The following GRM3 variants were observed in gnomAD, a reference collection of about 807,000 sequenced individuals.
GRM3 encodes metabotropic glutamate receptor 3.
GRM3 carries 26 observed loss-of-function variants against 70.5 expected under a neutral mutation model. That is an observed-to-expected ratio of 0.37 (90% confidence interval 0.27 to 0.51). The LOEUF (loss-of-function observed/expected upper bound fraction) is 0.51. Among genes scored for constraint, GRM3 ranks in the 20% least tolerant of loss-of-function variants. The pLI, the probability that GRM3 is intolerant of heterozygous loss-of-function variation, is 0.93. For missense variants in GRM3, 859 were observed against 1,123.8 expected (o/e 0.76, Z 3.37); for synonymous variants, 443 against 434.9 (o/e 1.02, Z -0.23).
At chr7:86,674,948 T>C (rs557451581) in intron 1 of GRM3, among the ~76,000 whole-genome samples, 55 of 152,256 alleles carry the variant, frequency 3.6e-4, no homozygotes, top group Middle Eastern at 3.4e-3. Context: ...GAAATATGAC[T>C]CCTAGCCCTA....
intron 1 of GRM3, among the ~76,000 whole-genome samples, chr7:86,655,277 T>G (rs1793707223): frequency 6.6e-6 from 1 of 152,234 alleles, no homozygotes; most frequent in South Asian, 2.1e-4. Flanking sequence ...CTGCTTAATC[T>G]AAGTTCATAC....
chr7:86,856,106 A>G (rs1798840354), intron 5 of GRM3, among the ~76,000 whole-genome samples: 1 of 152,174 alleles, frequency 6.6e-6, no homozygotes, highest in Admixed American at 6.5e-5. Context: ...TACCCAAAGC[A>G]TCTAAACCAG....
At chr7:86,847,601 A>T (rs1798679230) in intron 4 of GRM3, among the ~76,000 whole-genome samples, 1 of 152,140 alleles carries the variant, frequency 6.6e-6, no homozygotes. Flanking sequence ...AGCTCTGGGG[A>T]ACTCCAGCAC....
At chr7:86,819,257 A>G (rs1798073125) in intron 3 of GRM3, among the ~76,000 whole-genome samples, 1 of 152,138 alleles carries the variant, frequency 6.6e-6, no homozygotes, top group South Asian at 2.1e-4. Flanking sequence ...TATGGAAAGC[A>G]ATAGTTTTTC....
intron 1 of GRM3, among the ~76,000 whole-genome samples, chr7:86,672,024 G>T (rs1794184900): frequency 6.6e-6 from 1 of 152,032 alleles, no homozygotes; most frequent in Non-Finnish European, 1.5e-5. Flanking sequence ...TTCTCTGGGG[G>T]TTTTATTTTT....
intron 1 of GRM3, among the ~76,000 whole-genome samples, chr7:86,749,523 C>T (rs752444010): frequency 5.7e-4 from 86 of 152,012 alleles, no homozygotes; most frequent in Non-Finnish European, 1.1e-3. Flanking sequence ...GAATCAGCAC[C>T]AAACACGGCC....
chr7:86,846,935 T>C (rs554408412), intron 4 of GRM3, among the ~76,000 whole-genome samples: 1 of 152,240 alleles, frequency 6.6e-6, no homozygotes, highest in East Asian at 1.9e-4. Flanking sequence ...CTACCACAGT[T>C]TTACTAATGC....
chr7:86,679,017 T>C (rs1794376588), intron 1 of GRM3, among the ~76,000 whole-genome samples: 1 of 152,068 alleles, frequency 6.6e-6, no homozygotes, highest in African/African-American at 2.4e-5. Flanking sequence ...ATAGACTGTG[T>C]AGATTGATGA....
intron 1 of GRM3, among the ~76,000 whole-genome samples, chr7:86,696,843 C>G (rs1485036855): frequency 1.3e-5 from 2 of 152,142 alleles, no homozygotes; most frequent in Non-Finnish European, 2.9e-5. Flanking sequence ...ACCCATTGTA[C>G]AGATGAGACA....
chr7:86,715,181 A>G (rs1210830226), intron 1 of GRM3, among the ~76,000 whole-genome samples: 1 of 152,000 alleles, frequency 6.6e-6, no homozygotes, highest in Non-Finnish European at 1.5e-5. Context: ...GGGTCACAAT[A>G]AAGGTCAAAT....
chr7:86,655,839 TGTGTGTGTGTGTGG>T (rs1411543268), intron 1 of GRM3, among the ~76,000 whole-genome samples: 4 of 134,766 alleles, frequency 3.0e-5, no homozygotes, highest in Admixed American at 1.4e-4. Flanking sequence ...TGTGTGTGTG[TGTGTGTGTGTGTGG>T]GTGGGTGGGT....
At chr7:86,817,564 A>G (rs1276712358) in intron 3 of GRM3, among the ~76,000 whole-genome samples, 3 of 151,912 alleles carry the variant, frequency 2.0e-5, no homozygotes, top group Non-Finnish European at 2.9e-5. Flanking sequence ...ATCATTTTTC[A>G]TGTTAACTAT....
chr7:86,660,272 T>G (rs1271896723), intron 1 of GRM3, among the ~76,000 whole-genome samples: 1 of 152,048 alleles, frequency 6.6e-6, no homozygotes, highest in Non-Finnish European at 1.5e-5. Flanking sequence ...CAGAAATGAT[T>G]GCGAATTAAT....
intron 1 of GRM3, among the ~76,000 whole-genome samples, chr7:86,718,585 C>T (rs951129765): frequency 6.6e-6 from 1 of 151,938 alleles, no homozygotes; most frequent in South Asian, 2.1e-4. Context: ...GACACTGATG[C>T]TGAGCACAGT....
Position 86,845,771 on chromosome 7 carries a change from A to G in GRM3, c.2392-4599A>G, listed in dbSNP as rs529654513. ...AGTTTTAAGCACTCAGCAGCTACCT[A>G]TGGCTCAACCATATGAGGTCCAATA... On this transcript the variant is annotated intron_variant, in intron 4 of 5. Transcript: ENST00000361669. Among the ~76,000 whole-genome samples, 13 of 152,314 alleles carry G rather than the reference A, an allele frequency of 8.5e-5. No individual in the cohort carries two copies. The South Asian group carries it at 2.7e-3, about 32-fold the overall frequency.
In GRM3 at chr7:86,861,886, A is replaced by G. The variant is rs1410988754; in HGVS notation, c.2567-2396A>G. ...ATTGCAACAAAAAAGCAAGAGTGGA[A>G]ACAGACAGGCCAGTGGTGCAGCTCT... is the stretch of plus-strand genomic sequence containing the variant. On this transcript the variant is annotated intron_variant, in intron 5 of 5. Coordinates refer to ENST00000361669, the MANE Select transcript of GRM3 (RefSeq NM_000840.3). Among the ~76,000 whole-genome samples the G allele has an allele frequency of 2.0e-5, 3 of 152,198 alleles. No individual in the cohort carries two copies. In the East Asian group the frequency reaches 5.8e-4, roughly 29 times the overall value.
At chr7:86,670,800 C>T (rs1441471299) in intron 1 of GRM3, among the ~76,000 whole-genome samples, 2 of 152,116 alleles carry the variant, frequency 1.3e-5, no homozygotes, top group East Asian at 1.9e-4. Context: ...CTCTAATTTA[C>T]ATTTTCATGC....
intron 1 of GRM3, among the ~76,000 whole-genome samples, chr7:86,744,599 G>A (rs1796061735): frequency 6.6e-6 from 1 of 151,906 alleles, no homozygotes; most frequent in South Asian, 2.1e-4. Flanking sequence ...ACCTTTTGCT[G>A]CCATATCTAC....
chr7:86,782,614 T>A (rs895301159), intron 2 of GRM3, among the ~76,000 whole-genome samples: 4 of 152,210 alleles, frequency 2.6e-5, no homozygotes, highest in Non-Finnish European at 4.4e-5. Flanking sequence ...TCCCTTATTT[T>A]TACAGGCTTA....
Sources: gnomAD v4.1 joint callset for allele counts (sites outside exome capture counted in the v4.1 genomes callset) on GRCh38, gnomAD v4.1.1 for gene constraint, MANE v1.5 for transcripts, NCBI Gene and HGNC (gene_info 2026-07-23, HGNC 2026-07-21) for gene names.